The following EML5 variants were observed in gnomAD, a reference collection of about 807,000 sequenced individuals.
EML5 encodes the protein EMAP like 5, also known as echinoderm microtubule-associated protein-like 5.
Under a neutral mutation model 250.0 loss-of-function variants are expected in EML5, and 120 were observed. That is an observed-to-expected ratio of 0.48 (90% CI 0.41 to 0.56). The LOEUF (loss-of-function observed/expected upper bound fraction) is 0.56. EML5 is among the 20% of genes least tolerant of loss of function. EML5 has a pLI of 0.00. For synonymous variants in EML5, 771 were observed against 806.5 expected (o/e 0.96, Z 0.75); for missense variants, 2,006 against 2,437.6 (o/e 0.82, Z 3.73).
intron 10 of EML5, among the ~76,000 whole-genome samples, chr14:88,711,858 T>C (rs1190978450): frequency 2.0e-5 from 3 of 150,974 alleles, no homozygotes; most frequent in African/African-American, 7.3e-5. Context: ...GGCAGGAGGG[T>C]TGATGGAACC....
intron 1 of EML5, among the ~76,000 whole-genome samples, chr14:88,765,477 C>G (rs573117214): frequency 1.8e-4 from 28 of 152,278 alleles, no homozygotes; most frequent in African/African-American, 6.3e-4. Flanking sequence ...GAGTTCTTCT[C>G]AAGCTTTGAA....
At chr14:88,660,851 C>T (rs554850311) in intron 25 of EML5, among the ~76,000 whole-genome samples, 1 of 151,444 alleles carries the variant, frequency 6.6e-6, no homozygotes, top group Non-Finnish European at 1.5e-5. Flanking sequence ...ATTTAAAATG[C>T]ACATATATTC....
At chr14:88,734,563 T>C (rs1423106095) in intron 7 of EML5, among the ~76,000 whole-genome samples, 1 of 151,626 alleles carries the variant, frequency 6.6e-6, no homozygotes, top group Non-Finnish European at 1.5e-5. Context: ...AGAAAAAAAA[T>C]GTAAGAAAGT....
At chr14:88,623,016 A>AAT in intron 36 of EML5, 1 of 169,550 alleles carries the variant, frequency 5.9e-6, no homozygotes, top group Admixed American at 8.5e-5. Context: ...CTCTCATAAT[A>AAT]CTTTTTTTTT....
intron 1 of EML5, among the ~76,000 whole-genome samples, chr14:88,758,366 T>C (rs1483821782): frequency 6.6e-6 from 1 of 152,024 alleles, no homozygotes; most frequent in African/African-American, 2.4e-5. Context: ...CTAATTTTTT[T>C]GTATTTTTAG....
At chr14:88,770,437 C>T (rs1595844867) in intron 1 of EML5, among the ~76,000 whole-genome samples, 1 of 151,790 alleles carries the variant, frequency 6.6e-6, no homozygotes, top group Non-Finnish European at 1.5e-5. Context: ...AATAGATATT[C>T]AGTTGTTTTT....
In EML5 at chr14:88,621,091, TA is replaced by T. The variant is rs749912684; in HGVS notation, c.5202+21del. The stretch of plus-strand genomic sequence containing the variant: ...TCTTTTTAGAAGTTGTAACCTCTTT[TA>T]AAAAAATTATCTGTACTTACTTTAT... On this transcript the variant is annotated intron_variant, in intron 38 of 43. Coordinates refer to ENST00000554922, the MANE Select transcript of EML5 (RefSeq NM_183387.3). 2.5e-6 allele frequency: 4 copies of T among 1,599,202 alleles called. No homozygotes were observed. The Admixed American group carries it at 5.2e-5, about 21-fold the overall frequency.
intron 1 of EML5, among the ~76,000 whole-genome samples, chr14:88,773,392 C>T (rs537877860): frequency 2.6e-4 from 40 of 152,298 alleles, no homozygotes; most frequent in East Asian, 5.8e-4. Flanking sequence ...GAATATCCAG[C>T]GTGGGAGGGC....
At chr14:88,743,011 A>G (rs1367155576) in intron 4 of EML5, among the ~76,000 whole-genome samples, 2 of 152,144 alleles carry the variant, frequency 1.3e-5, no homozygotes, top group Admixed American at 6.5e-5. Context: ...ATTTAAAAGT[A>G]ACTATAAACA....
rs755992232 is a variant in EML5, at chr14:88,646,970, A to T, written c.4020-15T>A. 1 of 1,592,080 alleles carries T rather than the reference A, an allele frequency of 6.3e-7. No individual in the cohort carries two copies. The highest frequency in any genetic ancestry group is 8.5e-7 in the Non-Finnish European group (1 of 1,177,434). ...ACCTGGAACCTCTTTTCAGCAGCAG[A>T]TAAAGAGGGAAAAAGATTACAACAT... On this transcript the variant is annotated splice_polypyrimidine_tract_variant and intron_variant, in intron 28 of 43. Coordinates refer to ENST00000554922, the MANE Select transcript of EML5 (RefSeq NM_183387.3).
chr14:88,706,426 C>A lies in EML5; in HGVS notation c.1658G>T (p.Gly553Val). Residue 553 changes from glycine (G) to valine (V), a missense_variant and splice_region_variant, in exon 11 of 44, where the codon GGG becomes GTG. Gly to Val is a moderately radical substitution (Grantham distance 109). Coordinates refer to ENST00000554922, the MANE Select transcript of EML5 (RefSeq NM_183387.3). Reference sequence around the variant, plus strand: ...GCCAATATATTTTCTAAACTTGGCCCCTATAATAAAAATATATCTTTAAAT... The same window carrying A: ...GCCAATATATTTTCTAAACTTGGCCACTATAATAAAAATATATCTTTAAAT... ...KLFRYPCLRKGAKFRKYIGHS... is the reference protein window; with the variant it reads ...KLFRYPCLRKVAKFRKYIGHS... The A allele has an allele frequency of 1.3e-6, 2 of 1,494,830 alleles. No individual in the cohort carries two copies. Among genetic ancestry groups the A allele is most frequent in the Non-Finnish European group, 1.8e-6 (2 of 1,124,652 alleles). 92.6% of individuals were successfully genotyped at this position (1,494,830 alleles called of 1,614,324 possible). A position where few individuals can be genotyped will look rare whatever the true frequency, so the allele number is the denominator to read the frequency against.
chr14:88,750,571 C>T (rs1227848273), intron 2 of EML5, among the ~76,000 whole-genome samples: 1 of 151,982 alleles, frequency 6.6e-6, no homozygotes, highest in African/African-American at 2.4e-5. Context: ...TTACCATAAC[C>T]TTAATTAGCT....
chr14:88,665,040 G>C (rs1165224178), intron 22 of EML5, among the ~76,000 whole-genome samples: 3 of 152,112 alleles, frequency 2.0e-5, no homozygotes, highest in Non-Finnish European at 4.4e-5. Flanking sequence ...AATTTCAAAA[G>C]CATTAAGAAT....
intron 1 of EML5, among the ~76,000 whole-genome samples, chr14:88,773,710 T>C (rs571650874): frequency 6.6e-6 from 1 of 152,214 alleles, no homozygotes. Context: ...TTGGTGGTTT[T>C]ATTTTGTTTG....
intron 41 of EML5, 89 bp from the exon 42 acceptor site, chr14:88,616,968 G>GTACCC (rs1488104008): frequency 1.6e-6 from 2 of 1,257,854 alleles, no homozygotes; most frequent in African/African-American, 3.0e-5. Flanking sequence ...TAATCTCTAA[G>GTACCC]TACCCTATCA....
chr14:88,707,931 C>T (rs2093345446), intron 10 of EML5, among the ~76,000 whole-genome samples: 1 of 152,090 alleles, frequency 6.6e-6, no homozygotes, highest in Non-Finnish European at 1.5e-5. Context: ...AAGTTAAAGC[C>T]AGAAATTCTA....
At chr14:88,699,079 A>C (rs1278815046) in intron 14 of EML5, among the ~76,000 whole-genome samples, 1 of 152,174 alleles carries the variant, frequency 6.6e-6, no homozygotes, top group Non-Finnish European at 1.5e-5. Flanking sequence ...ATTAAAGTAC[A>C]CTTAGGGCAT....
chr14:88,762,236 C>T (rs548056830), intron 1 of EML5, among the ~76,000 whole-genome samples: 16 of 152,222 alleles, frequency 1.1e-4, no homozygotes, highest in African/African-American at 2.6e-4. Flanking sequence ...ACGGGCCATG[C>T]GTAGTGGCTC....
intron 10 of EML5, among the ~76,000 whole-genome samples, chr14:88,710,200 G>GA (rs1404061144): frequency 1.3e-5 from 2 of 151,758 alleles, no homozygotes; most frequent in Admixed American, 6.6e-5. Context: ...TGATAATGAA[G>GA]AAAAAAATAT....
Sources: allele counts gnomAD v4.1 joint callset (sites outside exome capture counted in the v4.1 genomes callset), GRCh38; gene constraint gnomAD v4.1.1; transcripts MANE v1.5; gene names NCBI Gene and HGNC (gene_info 2026-07-23, HGNC 2026-07-21).